TBX15: variants seen among roughly 807,000 people sequenced by gnomAD.
TBX15 encodes T-box transcription factor TBX15.
A neutral mutation model predicts 53.9 loss-of-function variants in TBX15; 18 were observed. That is an observed-to-expected ratio of 0.33 (90% CI 0.23 to 0.49). TBX15 has a LOEUF of 0.49. Among genes scored for constraint, TBX15 ranks in the 20% least tolerant of loss-of-function variants. TBX15 has a pLI of 0.98. For missense variants in TBX15, 692 were observed against 749.5 expected, an observed-to-expected ratio of 0.92 and a Z score of 0.90; for synonymous variants, 295 against 278.0, an observed-to-expected ratio of 1.06 and a Z score of -0.61.
At chr1:118,956,686 C>G (rs991806177) in intron 1 of TBX15, among the ~76,000 whole-genome samples, 3 of 152,118 alleles carry the variant, frequency 2.0e-5, no homozygotes, top group Non-Finnish European at 2.9e-5. Flanking sequence ...GGCGCAGTGG[C>G]TCATGCCTGT....
intron 7 of TBX15, chr1:118,890,827 C>A (rs1234549785): frequency 1.9e-5 from 23 of 1,239,030 alleles, no homozygotes; most frequent in Non-Finnish European, 2.4e-5. Flanking sequence ...AAGGCAAAAC[C>A]CCATCTAGGC....
At position 118,924,716 on chromosome 1, in the gene TBX15, G is replaced by C; in HGVS notation, c.623C>G (p.Thr208Ser). Residue 208 changes from threonine to serine, a missense_variant, in exon 4 of 8, where the codon ACC (threonine) becomes AGC (serine). Physicochemically the swap from Thr to Ser is moderately conservative, Grantham distance 58. Around this residue, in one of 3 missense-constraint regions of TBX15, gnomAD observed 307 missense variants for 347.5 expected, o/e 0.88. Transcript: ENST00000369429. Reference protein sequence around the residue: ...IHPDSLASGDTWMRQVVSFDK... With the variant: ...IHPDSLASGDSWMRQVVSFDK... Reference sequence around the variant, plus strand: ...AAAACTGACCACCTGTCTCATCCAGGTGTCTCCAGAAGCTAGAGAATCAGG... The same window carrying C: ...AAAACTGACCACCTGTCTCATCCAGCTGTCTCCAGAAGCTAGAGAATCAGG... 6.2e-7 allele frequency: 1 copy of C among 1,614,056 alleles called. No homozygotes were observed. The highest frequency in any genetic ancestry group is 1.3e-5 in the African/African-American group (1 of 74,986).
intron 1 of TBX15, among the ~76,000 whole-genome samples, chr1:118,933,710 G>A (rs933608948): frequency 3.3e-5 from 5 of 152,064 alleles, no homozygotes; most frequent in African/African-American, 1.2e-4. Context: ...TGTCCCCTGA[G>A]ACATGGATTC....
At chr1:118,959,366 T>A (rs149015864) in intron 1 of TBX15, among the ~76,000 whole-genome samples, 1 of 152,346 alleles carries the variant, frequency 6.6e-6, no homozygotes, top group African/African-American at 2.4e-5. Context: ...AGCTGTGTTC[T>A]GCCAGGTGTT....
intron 1 of TBX15, among the ~76,000 whole-genome samples, chr1:118,959,914 C>T (rs1160595692): frequency 4.6e-5 from 7 of 152,098 alleles, no homozygotes; most frequent in South Asian, 4.1e-4. Flanking sequence ...GTTTCACCTG[C>T]GGCTTCCCAG....
chr1:118,976,310 T>C (rs995378178), intron 1 of TBX15, among the ~76,000 whole-genome samples: 23 of 152,184 alleles, frequency 1.5e-4, no homozygotes, highest in African/African-American at 5.6e-4. Context: ...TTGTTGTTGT[T>C]GTTGTTTTAA....
intron 1 of TBX15, among the ~76,000 whole-genome samples, chr1:118,945,366 C>A (rs761247247): frequency 5.9e-5 from 9 of 152,196 alleles, no homozygotes; most frequent in Non-Finnish European, 1.0e-4. Flanking sequence ...CATTTATTTA[C>A]ATATTCACAT....
rs1215732245 is a variant in TBX15, at chr1:118,885,516, C to T, written c.1025G>A (p.Gly342Glu). 6.3e-7 allele frequency: 1 copy of T among 1,578,070 alleles called. No individual in the cohort carries two copies. The highest frequency in any genetic ancestry group is 1.2e-5 in the South Asian group (1 of 86,792). ...EDFTTMQKQQ[G>E]GSTGTSPTTS... ...GGTTGGGGAAGTGCCTGTGCTGCCT[C>T]CTGAAAAATAAAACGTGAATACTAT... is the stretch of plus-strand genomic sequence containing the variant. The change falls in exon 8 of 8, where the codon GGA becomes GAA. Residue 342 changes from glycine to glutamate, a missense_variant and splice_region_variant. Physicochemically the swap from Gly to Glu is moderately conservative, Grantham distance 98. This residue lies in a region of TBX15 where 375 missense variants were observed against 371.6 expected (regional missense o/e 1.01). Coordinates refer to ENST00000369429, the MANE Select transcript of TBX15 (RefSeq NM_001330677.2).
At chr1:118,907,625 G>T (rs74585357) in intron 6 of TBX15, among the ~76,000 whole-genome samples, 4,130 of 152,222 alleles carry the variant, frequency 0.027, 175 homozygotes, top group African/African-American at 0.092. Context: ...TGAGCACAGT[G>T]GACTCTCCAG....
intron 1 of TBX15, among the ~76,000 whole-genome samples, chr1:118,968,792 A>G (rs1304482956): frequency 2.0e-5 from 3 of 152,148 alleles, no homozygotes; most frequent in Admixed American, 6.5e-5. Flanking sequence ...ATTACAGTCT[A>G]CAGTGAGCCC....
At chr1:118,936,352 A>G (rs1018732911) in intron 1 of TBX15, among the ~76,000 whole-genome samples, 5 of 152,192 alleles carry the variant, frequency 3.3e-5, no homozygotes, top group Non-Finnish European at 7.4e-5. Flanking sequence ...ACATTTTAAA[A>G]GCATATTTTA....
chr1:118,905,631 A>T (rs1487899994), intron 6 of TBX15, among the ~76,000 whole-genome samples: 1 of 152,194 alleles, frequency 6.6e-6, no homozygotes, highest in Non-Finnish European at 1.5e-5. Context: ...GATTACTTCC[A>T]TAGATCTGCT....
chr1:118,953,611 A>T (rs1401669719), intron 1 of TBX15, among the ~76,000 whole-genome samples: 1 of 152,232 alleles, frequency 6.6e-6, no homozygotes, highest in South Asian at 2.1e-4. Flanking sequence ...TGTGCCTATA[A>T]TATGTTTGAT....
At chr1:118,889,814 A>T (rs1654076408) in intron 7 of TBX15, among the ~76,000 whole-genome samples, 2 of 150,360 alleles carry the variant, frequency 1.3e-5, no homozygotes, top group East Asian at 1.9e-4. Flanking sequence ...AAAAAAAAAA[A>T]TTTAGTAGAG....
intron 1 of TBX15, among the ~76,000 whole-genome samples, chr1:118,969,314 G>A (rs983687476): frequency 6.6e-6 from 1 of 152,166 alleles, no homozygotes; most frequent in Non-Finnish European, 1.5e-5. Flanking sequence ...GACCTTCTGG[G>A]GTTATTCTCT....
chr1:118,896,936 T>TA, intron 7 of TBX15, among the ~76,000 whole-genome samples: 1 of 152,296 alleles, frequency 6.6e-6, no homozygotes, highest in Admixed American at 6.5e-5. Flanking sequence ...TTAAACTATT[T>TA]AATAGAGTCC....
At chr1:118,893,305 GGAAGGAAGGAAA>G (rs1654226438) in intron 7 of TBX15, among the ~76,000 whole-genome samples, 1 of 111,878 alleles carries the variant, frequency 8.9e-6, no homozygotes, top group African/African-American at 4.0e-5. Flanking sequence ...AAGGAAGGAA[GGAAGGAAGGAAA>G]GAAAGAAAGA....
chr1:118,939,407 C>T (rs1213059219), intron 1 of TBX15, among the ~76,000 whole-genome samples: 1 of 8,874 alleles, frequency 1.1e-4, no homozygotes, highest in Admixed American at 1.9e-3. Context: ...GATCTAGTCT[C>T]AAAAAAAAAA....
chr1:118,923,624 G>T (rs1203343404), intron 4 of TBX15, 21 bp from the exon 5 acceptor site: 1 of 1,613,616 alleles, frequency 6.2e-7, no homozygotes, highest in Non-Finnish European at 8.5e-7. Flanking sequence ...AAGGGGAATT[G>T]TACCAGGCTT....
Sources: gnomAD v4.1 joint callset for allele counts (sites outside exome capture counted in the v4.1 genomes callset) on GRCh38, gnomAD v4.1.1 for gene constraint, gnomAD v4.1.1 regional missense constraint, MANE v1.5 for transcripts, NCBI Gene and HGNC (gene_info 2026-07-23, HGNC 2026-07-21) for gene names.